NREP: variants seen among roughly 807,000 people sequenced by gnomAD.
NREP encodes neuronal regeneration related protein, also known as neuronal regeneration-related protein.
In NREP, 5 loss-of-function variants were observed where a neutral mutation model predicts 8.6. That is an observed-to-expected ratio of 0.58 (90% CI 0.30 to 1.22). The LOEUF (loss-of-function observed/expected upper bound fraction) is 1.22, where lower values mean the gene tolerates loss of function less well. NREP is among the 50% of genes most tolerant of loss of function. The probability of loss-of-function intolerance (pLI) is 0.07; values close to 1 mark genes in which losing one functional copy is unlikely to be tolerated. For synonymous variants in NREP, 27 were observed against 28.0 expected, an observed-to-expected ratio of 0.96 and a Z score of 0.11; for missense variants, 86 against 82.5, an observed-to-expected ratio of 1.04 and a Z score of -0.17.
At chr5:111,887,214 A>T (rs1581193004) in intron 2 of NREP, among the ~76,000 whole-genome samples, 1 of 152,114 alleles carries the variant, frequency 6.6e-6, no homozygotes, top group African/African-American at 2.4e-5. Flanking sequence ...GTAAACTACC[A>T]TGCCCAGTGT....
At chr5:111,907,213 T>G (rs1754799925) in intron 2 of NREP, among the ~76,000 whole-genome samples, 1 of 152,146 alleles carries the variant, frequency 6.6e-6, no homozygotes. Context: ...GCATCAATTT[T>G]TTCTTACATA....
chr5:111,880,966 C>T (rs536957904), intron 2 of NREP, among the ~76,000 whole-genome samples: 7 of 152,164 alleles, frequency 4.6e-5, no homozygotes, highest in African/African-American at 9.7e-5. Flanking sequence ...GAGTGCCAGA[C>T]AGTGGGCACA....
intron 2 of NREP, among the ~76,000 whole-genome samples, chr5:111,816,387 A>AT (rs1414256823): frequency 1.3e-5 from 2 of 152,216 alleles, no homozygotes; most frequent in Non-Finnish European, 2.9e-5. Flanking sequence ...TAAATCAATG[A>AT]TTAATAATGT....
At chr5:111,896,666 T>C (rs1754518175) in intron 2 of NREP, among the ~76,000 whole-genome samples, 1 of 152,196 alleles carries the variant, frequency 6.6e-6, no homozygotes, top group Non-Finnish European at 1.5e-5. Context: ...ACTTCTTTTA[T>C]CCTCCTTACA....
chr5:111,870,854 TACCCA>T (rs1753772463), intron 2 of NREP, among the ~76,000 whole-genome samples: 1 of 89,364 alleles, frequency 1.1e-5, no homozygotes, highest in East Asian at 7.7e-4. Context: ...GCAAGAATTT[TACCCA>T]GAGTTTTATA....
chr5:111,796,148 T>C (rs960836405), intron 2 of NREP, among the ~76,000 whole-genome samples: 1 of 152,200 alleles, frequency 6.6e-6, no homozygotes, highest in African/African-American at 2.4e-5. Context: ...AAAAGTCAAC[T>C]GCATTACTTG....
intron 2 of NREP, among the ~76,000 whole-genome samples, chr5:111,794,680 G>A (rs537203055): frequency 1.3e-4 from 20 of 152,314 alleles, no homozygotes; most frequent in African/African-American, 4.6e-4. Flanking sequence ...GGTAAGAGGT[G>A]AGAGGGATGA....
intron 2 of NREP, among the ~76,000 whole-genome samples, chr5:111,772,997 C>G (rs1055179580): frequency 4.6e-5 from 7 of 152,140 alleles, no homozygotes; most frequent in Admixed American, 6.6e-5. Context: ...ACTAAGTCAA[C>G]ATAGTATTGA....
chr5:111,972,611 C>G (rs549735318), intron 2 of NREP, among the ~76,000 whole-genome samples: 10 of 152,300 alleles, frequency 6.6e-5, no homozygotes, highest in African/African-American at 9.6e-5. Flanking sequence ...GGGATGGGCT[C>G]CCAAGATGGA....
chr5:111,763,062 C>A (rs559646422), intron 2 of NREP, among the ~76,000 whole-genome samples: 1 of 152,126 alleles, frequency 6.6e-6, no homozygotes, highest in Non-Finnish European at 1.5e-5. Context: ...GAAAGGAAAC[C>A]GATTTACAAT....
At chr5:111,888,541 C>T (rs1352315452) in intron 2 of NREP, among the ~76,000 whole-genome samples, 1 of 152,156 alleles carries the variant, frequency 6.6e-6, no homozygotes, top group African/African-American at 2.4e-5. Context: ...TTACCTTCAC[C>T]TAGTCCCACC....
At chr5:111,971,805 C>T (rs1163097376) in intron 2 of NREP, among the ~76,000 whole-genome samples, 1 of 151,528 alleles carries the variant, frequency 6.6e-6, no homozygotes, top group Non-Finnish European at 1.5e-5. Flanking sequence ...CACTAAGAAA[C>T]AAAAAGCTCC....
At chr5:111,957,906 T>C (rs1039994895) in intron 2 of NREP, among the ~76,000 whole-genome samples, 34 of 151,858 alleles carry the variant, frequency 2.2e-4, no homozygotes, top group Non-Finnish European at 4.6e-4. Flanking sequence ...ACCTCAAAAT[T>C]TAAATGATCA....
chr5:111,768,361 T>G (rs967668769), intron 2 of NREP, among the ~76,000 whole-genome samples: 13 of 152,224 alleles, frequency 8.5e-5, no homozygotes, highest in African/African-American at 2.9e-4. Flanking sequence ...TTTGCTTTTA[T>G]TATAATTTCA....
chr5:111,809,873 G>A (rs1399611743), intron 2 of NREP, among the ~76,000 whole-genome samples: 1 of 17,408 alleles, frequency 5.7e-5, no homozygotes, highest in Non-Finnish European at 1.6e-4. Flanking sequence ...ACTTTGGCGT[G>A]TGTGTGTGTG....
chr5:111,975,970 G>T (rs1201943306), intron 1 of NREP, among the ~76,000 whole-genome samples: 1 of 152,046 alleles, frequency 6.6e-6, no homozygotes, highest in Non-Finnish European at 1.5e-5. Flanking sequence ...AACTAAACCA[G>T]CATATCTAAT....
chr5:111,951,670 T>C (rs1026128852), intron 2 of NREP, among the ~76,000 whole-genome samples: 2 of 152,066 alleles, frequency 1.3e-5, no homozygotes, highest in East Asian at 1.9e-4. Flanking sequence ...TTCTAAATAT[T>C]CTCTAAAGTA....
At chr5:111,794,184 G>A (rs1435131756) in intron 2 of NREP, among the ~76,000 whole-genome samples, 1 of 152,188 alleles carries the variant, frequency 6.6e-6, no homozygotes, top group Non-Finnish European at 1.5e-5. Flanking sequence ...TGCTGGCAAG[G>A]ATGTCAAACA....
chr5:111,894,377 AG>A (rs1754460511), intron 2 of NREP, among the ~76,000 whole-genome samples: 1 of 152,214 alleles, frequency 6.6e-6, no homozygotes, highest in Admixed American at 6.5e-5. Flanking sequence ...GCCTCTTTTA[AG>A]GACATTTCTG....
Sources: gnomAD v4.1 joint callset for allele counts (sites outside exome capture counted in the v4.1 genomes callset) on GRCh38, gnomAD v4.1.1 for gene constraint, MANE v1.5 for transcripts, NCBI Gene and HGNC (gene_info 2026-07-23, HGNC 2026-07-21) for gene names.